CACNA2D4: variants seen among roughly 807,000 people sequenced by gnomAD.
The protein encoded by CACNA2D4 is voltage-dependent calcium channel subunit alpha-2/delta-4.
A neutral mutation model predicts 163.8 loss-of-function variants in CACNA2D4; 157 were observed. That is an observed-to-expected ratio of 0.96 (90% CI 0.84 to 1.09). CACNA2D4 has a LOEUF of 1.09. Among genes scored for constraint, CACNA2D4 ranks in the 50% least tolerant of loss-of-function variants. The pLI, the probability that CACNA2D4 is intolerant of heterozygous loss-of-function variation, is 0.00. For missense variants in CACNA2D4, 1,410 were observed against 1,479.9 expected, an observed-to-expected ratio of 0.95 and a Z score of 0.78; for synonymous variants, 598 against 586.9, an observed-to-expected ratio of 1.02 and a Z score of -0.27.
At chr12:1,815,595 C>A (rs1038849504) in intron 26 of CACNA2D4, among the ~76,000 whole-genome samples, 12 of 151,322 alleles carry the variant, frequency 7.9e-5, no homozygotes, top group Non-Finnish European at 1.8e-4. Context: ...ATCCCCAGCA[C>A]CTAGAATCGT....
At chr12:1,879,670 G>A in intron 14 of CACNA2D4, 134 bp downstream of exon 14, 1 of 726,846 alleles carries the variant, frequency 1.4e-6, no homozygotes, top group Non-Finnish European at 2.4e-6. Context: ...TCTGGGACAG[G>A]CCTGGAAATC....
intron 26 of CACNA2D4, among the ~76,000 whole-genome samples, chr12:1,822,917 C>T (rs1177406134): frequency 6.6e-6 from 1 of 152,210 alleles, no homozygotes; most frequent in Non-Finnish European, 1.5e-5. Flanking sequence ...TCCGGGCTCC[C>T]TCTCAGCCTT....
At position 1,795,463 on chromosome 12, in the gene CACNA2D4, C is replaced by G. The variant is rs1425368931; in HGVS notation, c.3227-82G>C. The G allele has an allele frequency of 3.0e-6, 4 of 1,330,226 alleles. No individual in the cohort carries two copies. In the South Asian group the frequency reaches 3.7e-5, roughly 12 times the overall value. The allele number at this position is 1,330,226 out of a possible 1,614,324, so 82.4% of individuals were successfully genotyped here. ...GGAAAAAGGTCTGGAAGAACCTGCTCTGGTGCCACCAGTTGCCCTGCAAGC... is the reference window on the plus strand; with the variant it reads ...GGAAAAAGGTCTGGAAGAACCTGCTGTGGTGCCACCAGTTGCCCTGCAAGC... On this transcript the variant is annotated intron_variant, in intron 36 of 37. Transcript: ENST00000382722.
In CACNA2D4 at chr12:1,840,280, C is replaced by T. The variant is rs1158414569; in HGVS notation, c.2551+459G>A. 2.0e-5 allele frequency among the ~76,000 whole-genome samples: 3 copies of T among 152,092 alleles called. No individual in the cohort carries two copies. In the South Asian group the frequency reaches 6.2e-4, roughly 32 times the overall value. The stretch of plus-strand genomic sequence containing the variant: ...TGATAAAAGACCTAGAATAAAAGAG[C>T]TCTGCCCGCCAGCCTTTCTTTCAGC... On this transcript the variant is annotated intron_variant, in intron 26 of 37. Coordinates refer to ENST00000382722, the MANE Select transcript of CACNA2D4 (RefSeq NM_172364.5).
At chr12:1,873,460 C>G (rs1053113587) in intron 18 of CACNA2D4, among the ~76,000 whole-genome samples, 1 of 152,152 alleles carries the variant, frequency 6.6e-6, no homozygotes, top group Non-Finnish European at 1.5e-5. Flanking sequence ...TTCCTGGGCA[C>G]TGGGGGAAAG....
chr12:1,867,737 C>A (rs1264896894), intron 18 of CACNA2D4, among the ~76,000 whole-genome samples: 5 of 55,298 alleles, frequency 9.0e-5, no homozygotes, highest in African/African-American at 3.1e-4. Flanking sequence ...GGAACCCACA[C>A]AACTCAACAG....
Position 1,885,845 on chromosome 12 carries a change from C to G in CACNA2D4, c.1068+120G>C, listed in dbSNP as rs1056887731. On this transcript the variant is annotated intron_variant, in intron 9 of 37. Coordinates refer to ENST00000382722, the MANE Select transcript of CACNA2D4 (RefSeq NM_172364.5). The stretch of plus-strand genomic sequence containing the variant: ...GTTTGCATGGGTAACGTGCTCTGCT[C>G]TCATTCCAGGTGCCATGGGAATAAG... 11 of 723,606 alleles carry G rather than the reference C, an allele frequency of 1.5e-5. No individual in the cohort carries two copies. In the African/African-American group the frequency reaches 1.8e-4, roughly 12 times the overall value. 44.8% of individuals were successfully genotyped at this position (723,606 alleles called of 1,614,324 possible).
At chr12:1,840,436 T>C (rs1488317366) in intron 26 of CACNA2D4, among the ~76,000 whole-genome samples, 1 of 3,482 alleles carries the variant, frequency 2.9e-4, no homozygotes, top group Non-Finnish European at 5.0e-4. Flanking sequence ...ATATATTATG[T>C]GGAAGAGGGG....
rs918907653 is a variant in CACNA2D4, at chr12:1,796,724, G to A, written c.3113+694C>T. ...TGTTAAATGGTGTGCCACGGGCCCG[G>A]GGGTCTAGGGACCGCCTGGCGAGCG... is the stretch of plus-strand genomic sequence containing the variant. On this transcript the variant is annotated intron_variant, in intron 35 of 37. Transcript: ENST00000382722. 7.3e-4 allele frequency among the ~76,000 whole-genome samples: 111 copies of A among 152,328 alleles called. 3 individuals are homozygous for A. Among genetic ancestry groups the A allele is most frequent in the Admixed American group, 7.2e-3 (110 of 15,312 alleles).
In CACNA2D4 at chr12:1,844,272, AG is replaced by A; in HGVS notation, c.2470+129del. 1.8e-6 allele frequency: 2 copies of A among 1,116,160 alleles called. No homozygotes were observed. Among genetic ancestry groups the A allele is most frequent in the Admixed American group, 5.1e-5 (2 of 39,494 alleles). The allele number at this position is 1,116,160 out of a possible 1,614,324, so 69.1% of individuals were successfully genotyped here. A position where few individuals can be genotyped will look rare whatever the true frequency, so the allele number is the denominator to read the frequency against. On this transcript the variant is annotated intron_variant, in intron 25 of 37. Transcript: ENST00000382722. The surrounding 1 kb of genome is among the most constrained non-coding windows in gnomAD (Gnocchi z 4.2). ...TAATGCATGCAGGAGGGAAGGCAGG[AG>A]GGGAACCCTGGTGGTCTGGACATTC...
At chr12:1,862,887 T>C (rs1030404493) in intron 18 of CACNA2D4, among the ~76,000 whole-genome samples, 1 of 152,236 alleles carries the variant, frequency 6.6e-6, no homozygotes, top group African/African-American at 2.4e-5. Context: ...TGCCTGCTTT[T>C]TCATTTTCTT....
intron 26 of CACNA2D4, among the ~76,000 whole-genome samples, chr12:1,816,554 C>T (rs564197012): frequency 2.1e-4 from 32 of 152,348 alleles, no homozygotes; most frequent in African/African-American, 7.7e-4. Context: ...ACATTGATCT[C>T]GTGCCTTCCT....
chr12:1,794,046 G>T (rs1863044919), intron 37 of CACNA2D4, among the ~76,000 whole-genome samples: 1 of 152,128 alleles, frequency 6.6e-6, no homozygotes, highest in Non-Finnish European at 1.5e-5. Context: ...CTCTGATGGG[G>T]GTTTCTGGTC....
intron 18 of CACNA2D4, among the ~76,000 whole-genome samples, chr12:1,867,779 A>G (rs7304098): frequency 0.029 from 4,345 of 152,256 alleles, 199 homozygotes; most frequent in African/African-American, 0.099. Context: ...CCACCACCCC[A>G]CACATCCAAA....
At chr12:1,822,527 G>T (rs1864147699) in intron 26 of CACNA2D4, among the ~76,000 whole-genome samples, 1 of 152,166 alleles carries the variant, frequency 6.6e-6, no homozygotes, top group African/African-American at 2.4e-5. Flanking sequence ...CCTCCTTCAT[G>T]TCAGGGACCA....
Position 1,795,779 on chromosome 12 carries a change from C to T in CACNA2D4, c.3115G>A (p.Val1039Ile), listed in dbSNP as rs376803131. The change falls in exon 36 of 38, where the codon GTA (valine) becomes ATA (isoleucine). Residue 1039 changes from valine to isoleucine, a missense_variant and splice_region_variant. Coordinates refer to ENST00000382722, the MANE Select transcript of CACNA2D4 (RefSeq NM_172364.5). ...GIVECGPCQKVFVVQQIPNSN... is the reference protein window; with the variant it reads ...GIVECGPCQKIFVVQQIPNSN... ...TTGGGAATCTGCTGCACCACAAATA[C>T]CCTGCAGCAAAGAAAGGGAGTCGAG... 4 of 1,596,518 alleles carry T rather than the reference C, an allele frequency of 2.5e-6. No individual in the cohort carries two copies. The African/African-American group carries it at 5.4e-5, about 21-fold the overall frequency.
chr12:1,887,571 C>T (rs190356327), intron 6 of CACNA2D4, among the ~76,000 whole-genome samples: 1 of 152,270 alleles, frequency 6.6e-6, no homozygotes, highest in African/African-American at 2.4e-5. Context: ...ATTCCTAGAA[C>T]CCAGCAGAGT....
chr12:1,818,866 C>T (rs531535998), intron 26 of CACNA2D4, among the ~76,000 whole-genome samples: 159 of 139,436 alleles, frequency 1.1e-3, no homozygotes, highest in African/African-American at 4.0e-3. Context: ...GGCGGCAGGG[C>T]CCTCTGCCTA....
Position 1,800,063 on chromosome 12 carries a change from C to A in CACNA2D4, c.2922-11G>T. 6.3e-7 allele frequency: 1 copy of A among 1,595,878 alleles called. No individual in the cohort carries two copies. Among genetic ancestry groups the A allele is most frequent in the Non-Finnish European group, 8.5e-7 (1 of 1,171,300 alleles). ...CACTCCAGCAGGAACCTGTCAGACA[C>A]AGGACTGAATCTCGGAGACCTCTGA... On this transcript the variant is annotated splice_polypyrimidine_tract_variant and intron_variant, in intron 32 of 37. Transcript: ENST00000382722.
Sources: gnomAD v4.1 joint callset for allele counts (sites outside exome capture counted in the v4.1 genomes callset) on GRCh38, gnomAD v4.1.1 for gene constraint, Gnocchi (gnomAD v3.1) non-coding constraint, MANE v1.5 for transcripts, NCBI Gene and HGNC (gene_info 2026-07-23, HGNC 2026-07-21) for gene names.